P2RX4: variants seen among roughly 807,000 people sequenced by gnomAD.
The protein encoded by P2RX4 is purinergic receptor P2X 4.
In P2RX4, 37 loss-of-function variants were observed where a neutral mutation model predicts 48.0. The observed-to-expected ratio is 0.77, with a 90% CI of 0.59 to 1.01. The LOEUF is 1.01. P2RX4 is among the 50% of genes least tolerant of loss of function. The pLI is 0.00. For missense variants in P2RX4, 501 were observed against 521.4 expected, an observed-to-expected ratio of 0.96 and a Z score of 0.38; for synonymous variants, 200 against 199.7, an observed-to-expected ratio of 1.00 and a Z score of -0.01.
intron 8 of P2RX4, among the ~76,000 whole-genome samples, chr12:121,230,635 A>G (rs1347987096): frequency 6.6e-6 from 1 of 152,192 alleles, no homozygotes; most frequent in African/African-American, 2.4e-5. Context: ...TCTTGTGGAA[A>G]CCTCAAGCTT....
intron 11 of P2RX4, 101 bp from the exon 12 acceptor site, chr12:121,233,422 C>T: frequency 7.5e-7 from 1 of 1,330,870 alleles, no homozygotes; most frequent in Non-Finnish European, 1.1e-6. Flanking sequence ...CTGGGACCAA[C>T]TTGAGAACCC....
intron 8 of P2RX4, among the ~76,000 whole-genome samples, chr12:121,231,664 C>G (rs961239705): frequency 6.6e-6 from 1 of 152,096 alleles, no homozygotes; most frequent in African/African-American, 2.4e-5. Flanking sequence ...TGACAGACGA[C>G]GTTTTGTTCA....
At chr12:121,224,102 T>A (rs1416250108) in intron 5 of P2RX4, among the ~76,000 whole-genome samples, 1 of 152,132 alleles carries the variant, frequency 6.6e-6, no homozygotes, top group Non-Finnish European at 1.5e-5. Context: ...TCTCTGTGGC[T>A]GGGGAATGGG....
chr12:121,212,809 TATATA>T (rs1255563079), intron 1 of P2RX4: 7 of 36,068 alleles, frequency 1.9e-4, no homozygotes, highest in African/African-American at 4.7e-4. Context: ...TATATATATA[TATATA>T]TATATATATA....
At position 121,233,776 on chromosome 12, in the gene P2RX4, T is replaced by C. The variant is rs1887530596; in HGVS notation, c.*227T>C. 9.2e-7 allele frequency: 1 copy of C among 1,084,490 alleles called. No individual in the cohort carries two copies. The highest frequency in any genetic ancestry group is 1.6e-5 in the African/African-American group (1 of 62,882). 67.2% of individuals were successfully genotyped at this position (1,084,490 alleles called of 1,614,324 possible). ...TGTTCTTGGCTGGGTCAACTCTGCT[T>C]TTCCCGCAACCTGGGGTTGTCGGGG... On this transcript the variant is annotated 3_prime_UTR_variant, in exon 12 of 12. Transcript: ENST00000337233.
At chr12:121,219,612 G>A (rs1305960054) in intron 2 of P2RX4, among the ~76,000 whole-genome samples, 1 of 119,458 alleles carries the variant, frequency 8.4e-6, no homozygotes. Flanking sequence ...TGGATGGATG[G>A]ATGGATAGAT....
chr12:121,232,384 C>T lies in P2RX4; in HGVS notation c.885-30C>T, dbSNP rs1438322530. The T allele has an allele frequency of 2.0e-6, 3 of 1,508,922 alleles. No homozygotes were observed. Among genetic ancestry groups the T allele is most frequent in the Non-Finnish European group, 2.8e-6 (3 of 1,087,752 alleles). The allele number at this position is 1,508,922 out of a possible 1,614,324, so 93.5% of individuals were successfully genotyped here. A position where few individuals can be genotyped will look rare whatever the true frequency, so the allele number is the denominator to read the frequency against. ...GGGCCCAAGGTCCTGCCCCAGCCAT[C>T]TCCCCCTGATCCATCCTCCTTCCCC... On this transcript the variant is annotated intron_variant, in intron 8 of 11. Transcript: ENST00000337233. The surrounding 1 kb of genome is among the most constrained non-coding windows in gnomAD (Gnocchi z 4.3).
At chr12:121,230,970 TTA>T (rs56678017) in intron 8 of P2RX4, among the ~76,000 whole-genome samples, 3 of 70,984 alleles carry the variant, frequency 4.2e-5, no homozygotes, top group African/African-American at 1.8e-4. Context: ...TATATAGCCA[TTA>T]TATATATATA....
At position 121,229,403 on chromosome 12, in the gene P2RX4, A is replaced by G. The variant is rs777915955; in HGVS notation, c.884+304A>G. On this transcript the variant is annotated intron_variant, in intron 8 of 11. Transcript: ENST00000337233. The surrounding 1 kb of genome is among the most constrained non-coding windows in gnomAD (Gnocchi z 4.6). ...AAGCTTTCCAGCACCTGCCTCAGCC[A>G]TGACCTCCATTCACTGCCTCAAGGA... 1.3e-5 allele frequency among the ~76,000 whole-genome samples: 2 copies of G among 152,176 alleles called. No homozygotes were observed. Among genetic ancestry groups the G allele is most frequent in the Admixed American group, 6.5e-5 (1 of 15,278 alleles).
chr12:121,223,885 C>A (rs11065495), intron 5 of P2RX4, among the ~76,000 whole-genome samples: 5 of 151,944 alleles, frequency 3.3e-5, no homozygotes, highest in Non-Finnish European at 5.9e-5. Context: ...CCTGCCTGGG[C>A]GACAGAGTGA....
At chr12:121,220,390 C>A (rs1198191147) in intron 2 of P2RX4, among the ~76,000 whole-genome samples, 1 of 151,986 alleles carries the variant, frequency 6.6e-6, no homozygotes, top group East Asian at 1.9e-4. Context: ...AATCCCAGCA[C>A]TTTGGGAGGC....
rs576014612 is a variant in P2RX4 at position 121,229,169 on chromosome 12, C to T, written c.884+70C>T. Reference sequence around the variant, plus strand: ...GGTGGCTGCGTACGTGCCAGTGGGCCGCCCACTGAAGACCAGCACTCAGGC... The same window carrying T: ...GGTGGCTGCGTACGTGCCAGTGGGCTGCCCACTGAAGACCAGCACTCAGGC... On this transcript the variant is annotated intron_variant, in intron 8 of 11. Coordinates refer to ENST00000337233, the MANE Select transcript of P2RX4 (RefSeq NM_002560.3). This position sits in a 1 kb window ranked among gnomAD's most constrained non-coding sequence, Gnocchi z 4.6. The T allele has an allele frequency of 2.4e-5, 38 of 1,574,018 alleles. No homozygotes were observed. The East Asian group carries it at 4.3e-4, about 18-fold the overall frequency.
Position 121,232,558 on chromosome 12 carries a change from G to A in P2RX4, c.978+51G>A. 2.5e-6 allele frequency: 4 copies of A among 1,600,578 alleles called. No homozygotes were observed. The highest frequency in any genetic ancestry group is 3.4e-6 in the Non-Finnish European group (4 of 1,167,600). ...CCGTCACTCCCTGCAGGGACAAGGG[G>A]CCTCTCCCTGCCCCTGCAGAAACAC... On this transcript the variant is annotated intron_variant, in intron 9 of 11. Coordinates refer to ENST00000337233, the MANE Select transcript of P2RX4 (RefSeq NM_002560.3). This position sits in a 1 kb window ranked among gnomAD's most constrained non-coding sequence, Gnocchi z 4.3.
chr12:121,210,260 C>G lies in P2RX4; in HGVS notation c.96C>G (p.Asn32Lys). ...LIRSRKVGLM[N>K]RAVQLLILAY... ...GCAGCCGCAAAGTGGGGCTCATGAACCGCGCCGTGCAACTGCTCATCCTGG... is the reference window on the plus strand; with the variant it reads ...GCAGCCGCAAAGTGGGGCTCATGAAGCGCGCCGTGCAACTGCTCATCCTGG... The change falls in exon 1 of 12, where the codon AAC becomes AAG. Residue 32 changes from asparagine to lysine, a missense_variant. Coordinates refer to ENST00000337233, the MANE Select transcript of P2RX4 (RefSeq NM_002560.3). 2 of 1,558,888 alleles carry G rather than the reference C, an allele frequency of 1.3e-6. No individual in the cohort carries two copies. Among genetic ancestry groups the G allele is most frequent in the Non-Finnish European group, 1.7e-6 (2 of 1,157,072 alleles).
At chr12:121,219,756 CAG>C (rs1240593466) in intron 2 of P2RX4, among the ~76,000 whole-genome samples, 1 of 151,526 alleles carries the variant, frequency 6.6e-6, no homozygotes, top group Non-Finnish European at 1.5e-5. Context: ...GGATAGATGA[CAG>C]ATGATAGGAT....
At chr12:121,225,547 A>T (rs772449808) in intron 5 of P2RX4, among the ~76,000 whole-genome samples, 2 of 152,006 alleles carry the variant, frequency 1.3e-5, no homozygotes, top group Admixed American at 1.3e-4. Flanking sequence ...AGTAGCTGGG[A>T]CTACAGGCGC....
chr12:121,217,111 A>C, intron 1 of P2RX4, 23 bp from the exon 2 acceptor site: 2 of 1,611,136 alleles, frequency 1.2e-6, no homozygotes. Context: ...ATGGCAATTT[A>C]AGAGGCCTGT....
chr12:121,212,300 G>T (rs1429992432), intron 1 of P2RX4, among the ~76,000 whole-genome samples: 1 of 151,966 alleles, frequency 6.6e-6, no homozygotes, highest in Non-Finnish European at 1.5e-5. Flanking sequence ...ACCCAGATTT[G>T]GACTCATTGG....
intron 5 of P2RX4, among the ~76,000 whole-genome samples, chr12:121,223,885 C>T (rs11065495): frequency 0.11 from 17,484 of 152,036 alleles, 1,338 homozygotes; most frequent in Non-Finnish European, 0.16. Flanking sequence ...CCTGCCTGGG[C>T]GACAGAGTGA....
Sources: gnomAD v4.1 joint callset for allele counts (sites outside exome capture counted in the v4.1 genomes callset) on GRCh38, gnomAD v4.1.1 for gene constraint, Gnocchi (gnomAD v3.1) non-coding constraint, MANE v1.5 for transcripts, NCBI Gene and HGNC (gene_info 2026-07-23, HGNC 2026-07-21) for gene names.